HYDIN: variants seen among roughly 807,000 people sequenced by gnomAD.
HYDIN encodes the protein axonemal central pair apparatus protein HYDIN.
A neutral mutation model predicts 403.9 loss-of-function variants in HYDIN; 132 were observed. The observed-to-expected ratio is 0.33, with a 90% confidence interval of 0.28 to 0.38. The LOEUF is 0.38. Among genes scored for constraint, HYDIN ranks in the 10% least tolerant of loss-of-function variants. The pLI, the probability that HYDIN is intolerant of heterozygous loss-of-function variation, is 1.00. For missense variants in HYDIN, 2,827 were observed against 5,009.5 expected (o/e 0.56, Z 13.15); for synonymous variants, 1,202 against 1,891.7 (o/e 0.64, Z 9.46).
intron 18 of HYDIN, among the ~76,000 whole-genome samples, chr16:71,049,353 G>C (rs550283116): frequency 6.6e-6 from 1 of 152,124 alleles, no homozygotes. Context: ...GGTGGACGTG[G>C]TGGTGTTAAA....
intron 9 of HYDIN, among the ~76,000 whole-genome samples, chr16:71,124,776 CT>C (rs1028246643): frequency 5.4e-5 from 8 of 149,202 alleles, no homozygotes; most frequent in African/African-American, 2.0e-4. Flanking sequence ...TTTCTTTTTA[CT>C]TTTTGAGCAG....
At chr16:70,888,290 A>G (rs2143708236) in intron 58 of HYDIN, among the ~76,000 whole-genome samples, 1 of 152,354 alleles carries the variant, frequency 6.6e-6, no homozygotes, top group South Asian at 2.1e-4. Context: ...AAACCTGGAC[A>G]TTTTGGGTGT....
intron 71 of HYDIN, 54 bp from the exon 72 acceptor site, chr16:70,857,924 C>T: frequency 6.6e-7 from 1 of 1,514,314 alleles, no homozygotes; most frequent in South Asian, 1.3e-5. Context: ...ATGCTTACTC[C>T]ACATGTCCCT....
chr16:71,153,368 G>A (rs1052989418), intron 6 of HYDIN, among the ~76,000 whole-genome samples: 19 of 151,602 alleles, frequency 1.3e-4, no homozygotes, highest in Non-Finnish European at 2.4e-4. Context: ...GGGTGGGAGG[G>A]GTGTAGAGGA....
At chr16:71,157,606 G>A (rs1363300930) in intron 6 of HYDIN, among the ~76,000 whole-genome samples, 1 of 152,116 alleles carries the variant, frequency 6.6e-6, no homozygotes, top group Non-Finnish European at 1.5e-5. Context: ...AACAGAAAAG[G>A]GACTGACTGG....
intron 1 of HYDIN, among the ~76,000 whole-genome samples, chr16:71,218,999 T>G (rs2144752694): frequency 6.6e-6 from 1 of 152,354 alleles, no homozygotes. Flanking sequence ...GTCATTATTT[T>G]AAAAGCCATG....
At chr16:70,960,769 G>A (rs2078390153) in intron 38 of HYDIN, among the ~76,000 whole-genome samples, 1 of 152,190 alleles carries the variant, frequency 6.6e-6, no homozygotes, top group African/African-American at 2.4e-5. Context: ...TTGGCTCACT[G>A]CAACCTCCGC....
At chr16:70,943,078 G>C (rs2077732903) in intron 42 of HYDIN, among the ~76,000 whole-genome samples, 1 of 152,180 alleles carries the variant, frequency 6.6e-6, no homozygotes, top group Non-Finnish European at 1.5e-5. Context: ...GGCCCTAGTT[G>C]AGAACACAAA....
intron 85 of HYDIN, 37 bp downstream of exon 85, chr16:70,809,746 T>G (rs772852423): frequency 7.3e-5 from 109 of 1,501,912 alleles, no homozygotes; most frequent in African/African-American, 1.4e-5. Context: ...AGCGTTCATG[T>G]GAGGGAAGGG....
intron 23 of HYDIN, among the ~76,000 whole-genome samples, chr16:70,995,373 G>A (rs192564759): frequency 7.9e-5 from 12 of 152,254 alleles, no homozygotes; most frequent in Admixed American, 2.6e-4. Flanking sequence ...TCAGAATCAT[G>A]GGAGAAGCCA....
At position 71,088,414 on chromosome 16, in the gene HYDIN, T is replaced by C; in HGVS notation, c.1557A>G (p.Pro519=). Residue 519 remains proline, a synonymous_variant, in exon 12 of 86, where the codon CCA becomes CCG. Coordinates refer to ENST00000393567, the MANE Select transcript of HYDIN (RefSeq NM_001270974.2). ...VFSPKEGIIE[P]SGVQAIQISF... ...AGATCTGGATAGCTTGGACTCCACT[T>C]GGTTCAATGATGCCTTCCTTGGGAC... 1 of 558,636 alleles carries C rather than the reference T, an allele frequency of 1.8e-6. No homozygotes were observed. The highest frequency in any genetic ancestry group is 3.7e-5 in the Admixed American group (1 of 27,306). 34.6% of individuals were successfully genotyped at this position (558,636 alleles called of 1,614,324 possible).
At chr16:70,963,113 G>A (rs970325145) in intron 37 of HYDIN, among the ~76,000 whole-genome samples, 4 of 151,122 alleles carry the variant, frequency 2.6e-5, no homozygotes, top group African/African-American at 9.7e-5. Context: ...GCCTTGGGCT[G>A]CTGGGCAGTC....
chr16:70,826,779 T>C (rs2036628007), intron 83 of HYDIN, among the ~76,000 whole-genome samples: 1 of 145,336 alleles, frequency 6.9e-6, no homozygotes, highest in African/African-American at 2.8e-5. Context: ...TCTTTTTTTC[T>C]TTTTCTTTTT....
At chr16:70,887,965 G>A (rs957655299) in intron 58 of HYDIN, among the ~76,000 whole-genome samples, 2 of 152,178 alleles carry the variant, frequency 1.3e-5, no homozygotes, top group African/African-American at 2.4e-5. Flanking sequence ...TTACAGGCAC[G>A]AGCCACGGCG....
chr16:70,957,390 G>A (rs2078278178), intron 39 of HYDIN, among the ~76,000 whole-genome samples: 2 of 149,188 alleles, frequency 1.3e-5, no homozygotes, highest in Non-Finnish European at 2.9e-5. Flanking sequence ...GCAATGGCAC[G>A]ATCTTGGCTC....
chr16:71,094,685 G>C (rs1482800813), intron 10 of HYDIN, among the ~76,000 whole-genome samples: 1 of 152,296 alleles, frequency 6.6e-6, no homozygotes, highest in South Asian at 2.1e-4. Context: ...ACGCACAAAG[G>C]CAACGTCGTG....
chr16:70,989,583 C>T (rs1349560508), intron 25 of HYDIN, among the ~76,000 whole-genome samples: 1 of 151,920 alleles, frequency 6.6e-6, no homozygotes, highest in East Asian at 1.9e-4. Context: ...TTCAGTTGAC[C>T]TAATATGAGT....
At chr16:70,892,303 C>T (rs944522321) in intron 56 of HYDIN, 58 bp downstream of exon 56, 50 of 1,557,414 alleles carry the variant, frequency 3.2e-5, no homozygotes, top group Non-Finnish European at 3.9e-5. Context: ...TCCTTCTTTG[C>T]AACAGGAGTC....
chr16:71,217,176 T>C (rs537121324), intron 1 of HYDIN, among the ~76,000 whole-genome samples: 54 of 152,336 alleles, frequency 3.5e-4, no homozygotes, highest in Non-Finnish European at 6.6e-4. Flanking sequence ...TTCTCTCAAA[T>C]AGTCCATCCA....
Sources: allele counts gnomAD v4.1 joint callset (sites outside exome capture counted in the v4.1 genomes callset), GRCh38; gene constraint gnomAD v4.1.1; transcripts MANE v1.5; gene names NCBI Gene and HGNC (gene_info 2026-07-23, HGNC 2026-07-21).